Variants in RPS6KC1 observed in about 807,000 individuals in gnomAD.
The protein encoded by RPS6KC1 is inactive ribosomal protein S6 kinase delta-1.
RPS6KC1 carries 54 observed loss-of-function variants against 103.8 expected under a neutral mutation model. The observed-to-expected ratio is 0.52, with a 90% CI of 0.42 to 0.65. The LOEUF (loss-of-function observed/expected upper bound fraction) is 0.65, where lower values mean the gene tolerates loss of function less well. Among genes scored for constraint, RPS6KC1 ranks in the 30% least tolerant of loss-of-function variants. The probability of loss-of-function intolerance (pLI) is 0.00; values close to 1 mark genes in which losing one functional copy is unlikely to be tolerated. For missense variants in RPS6KC1, 1,151 were observed against 1,253.8 expected (o/e 0.92, Z 1.24); for synonymous variants, 439 against 438.7 (o/e 1.00, Z -0.01).
At chr1:213,839,221 A>G in the RPS6KC1 span, among the ~76,000 whole-genome samples, 3 of 152,188 alleles carry the variant, frequency 2.0e-5, no homozygotes, top group South Asian at 6.2e-4. Flanking sequence ...ACCAAGGAAT[A>G]TTTTAAAATT....
At chr1:213,311,936 C>T in the RPS6KC1 span, among the ~76,000 whole-genome samples, 1 of 144,182 alleles carries the variant, frequency 6.9e-6, no homozygotes, top group East Asian at 2.1e-4. Flanking sequence ...CTTGCTCTGT[C>T]ACCCAGGCTG....
rs144894774 is a variant in RPS6KC1 at position 213,052,451 on chromosome 1, ATTAAC to A, written c.105+945_105+949del. 8.6e-3 allele frequency among the ~76,000 whole-genome samples: 1,307 copies of A among 152,298 alleles called. 108 individuals carry two copies. The East Asian group carries it at 0.19, about 22-fold the overall frequency. ...CTCCAAGTTATATAAAATGTTAATA[ATTAAC>A]TTTATCAATTTTTAAAGAAGAGAGG... On this transcript the variant is annotated intron_variant, in intron 1 of 14. Transcript: ENST00000366960.
intron 6 of RPS6KC1, among the ~76,000 whole-genome samples, chr1:213,145,442 T>C (rs1295765153): frequency 1.3e-5 from 2 of 152,082 alleles, no homozygotes; most frequent in Non-Finnish European, 2.9e-5. Context: ...GGAGAGATAA[T>C]GGTACAGAGA....
At chr1:213,482,278 G>A in the RPS6KC1 span, among the ~76,000 whole-genome samples, 1 of 151,668 alleles carries the variant, frequency 6.6e-6, no homozygotes, top group Non-Finnish European at 1.5e-5. Context: ...TTCTTGGTTT[G>A]GTAAAGTATA....
the RPS6KC1 span, among the ~76,000 whole-genome samples, chr1:213,549,201 T>A: frequency 2.0e-5 from 3 of 152,150 alleles, no homozygotes; most frequent in African/African-American, 7.2e-5. Flanking sequence ...GACTGGGGCA[T>A]GACCTCTGGG....
chr1:213,808,158 C>T, the RPS6KC1 span, among the ~76,000 whole-genome samples: 34 of 151,016 alleles, frequency 2.3e-4, no homozygotes, highest in African/African-American at 6.4e-4. Flanking sequence ...GAGGAGTACC[C>T]GGCTGTGTGA....
the RPS6KC1 span, among the ~76,000 whole-genome samples, chr1:213,538,664 G>T: frequency 6.6e-6 from 1 of 152,156 alleles, no homozygotes; most frequent in Non-Finnish European, 1.5e-5. Flanking sequence ...GTAGGAATGA[G>T]TTTGTTTTGA....
chr1:213,814,732 T>G, the RPS6KC1 span, among the ~76,000 whole-genome samples: 1 of 152,166 alleles, frequency 6.6e-6, no homozygotes, highest in Non-Finnish European at 1.5e-5. Flanking sequence ...AGCCTAGAAT[T>G]TGTGAGCTTC....
intron 4 of RPS6KC1, among the ~76,000 whole-genome samples, chr1:213,112,107 T>TA: frequency 6.6e-6 from 1 of 152,276 alleles, no homozygotes; most frequent in East Asian, 1.9e-4. Context: ...GTAAAGATAG[T>TA]AATTGAGTTT....
At chr1:213,494,160 G>T in the RPS6KC1 span, among the ~76,000 whole-genome samples, 39 of 152,050 alleles carry the variant, frequency 2.6e-4, no homozygotes, top group Non-Finnish European at 4.6e-4. Context: ...GTTGGGACTA[G>T]GTTGTCACAC....
At chr1:213,782,674 G>C in the RPS6KC1 span, among the ~76,000 whole-genome samples, 1 of 152,082 alleles carries the variant, frequency 6.6e-6, no homozygotes, top group Non-Finnish European at 1.5e-5. Context: ...AGGAGAAAGA[G>C]AAACAGAGAA....
In RPS6KC1 at chr1:213,176,436, C is replaced by T. The variant is rs1220451285; in HGVS notation, c.988C>T (p.Leu330=). ...GSLSSRPLWN[L]RSPAEELKAF... is the part of the protein sequence containing the mutation. ...ACTAAGTTCAAGGCCCCTTTGGAACCTAAGGAGCCCTGCCGAGGAGCTGAA... is the reference window on the plus strand; with the variant it reads ...ACTAAGTTCAAGGCCCCTTTGGAACTTAAGGAGCCCTGCCGAGGAGCTGAA... The change falls in exon 8 of 15, where the codon CTA becomes TTA. Residue 330 remains leucine (L), a synonymous_variant. Coordinates refer to ENST00000366960, the MANE Select transcript of RPS6KC1 (RefSeq NM_012424.6). 1.2e-6 allele frequency: 2 copies of T among 1,608,966 alleles called. No individual in the cohort carries two copies. Among genetic ancestry groups the T allele is most frequent in the Non-Finnish European group, 1.7e-6 (2 of 1,176,362 alleles).
At chr1:213,602,114 T>TCTCTC in the RPS6KC1 span, among the ~76,000 whole-genome samples, 5 of 38,004 alleles carry the variant, frequency 1.3e-4, no homozygotes, top group African/African-American at 4.6e-4. Context: ...CTTTCTTTCT[T>TCTCTC]TCTTTCTCTT....
the RPS6KC1 span, among the ~76,000 whole-genome samples, chr1:213,419,710 G>T: frequency 6.6e-6 from 1 of 152,172 alleles, no homozygotes; most frequent in Non-Finnish European, 1.5e-5. Flanking sequence ...ACTAAAAAGG[G>T]GTATAGGAAG....
the RPS6KC1 span, among the ~76,000 whole-genome samples, chr1:213,350,079 A>G: frequency 1.3e-5 from 2 of 152,144 alleles, no homozygotes; most frequent in Admixed American, 1.3e-4. Context: ...TCCCCAGGAA[A>G]AGTCACAGGA....
the RPS6KC1 span, among the ~76,000 whole-genome samples, chr1:213,626,618 G>A: frequency 6.6e-6 from 1 of 152,198 alleles, no homozygotes; most frequent in Non-Finnish European, 1.5e-5. Context: ...GTGTGAGGAA[G>A]GGATCCAGTT....
the RPS6KC1 span, among the ~76,000 whole-genome samples, chr1:213,395,317 G>A: frequency 3.7e-4 from 56 of 152,282 alleles, no homozygotes; most frequent in East Asian, 4.1e-3. Flanking sequence ...AGAGTCTGGC[G>A]CACGGTAGGA....
the RPS6KC1 span, among the ~76,000 whole-genome samples, chr1:213,506,396 T>C: frequency 6.6e-6 from 1 of 152,242 alleles, no homozygotes; most frequent in African/African-American, 2.4e-5. Context: ...TTTAATAGAT[T>C]GGAGATGCCA....
chr1:213,291,513 G>A, the RPS6KC1 span, among the ~76,000 whole-genome samples: 4 of 152,172 alleles, frequency 2.6e-5, no homozygotes, highest in Admixed American at 2.0e-4. Context: ...CGTTCCTTGC[G>A]TGGTGAGAAG....
Sources: gnomAD v4.1 joint callset for allele counts (sites outside exome capture counted in the v4.1 genomes callset) on GRCh38, gnomAD v4.1.1 for gene constraint, MANE v1.5 for transcripts, NCBI Gene and HGNC (gene_info 2026-07-23, HGNC 2026-07-21) for gene names.